NRXN1: variants seen among roughly 807,000 people sequenced by gnomAD.
The protein encoded by NRXN1 is neurexin-1.
A neutral mutation model predicts 150.9 loss-of-function variants in NRXN1; 39 were observed. That is an observed-to-expected ratio of 0.26 (90% CI 0.20 to 0.34). The LOEUF (loss-of-function observed/expected upper bound fraction) is 0.34, where lower values mean the gene tolerates loss of function less well. NRXN1 is among the 10% of genes least tolerant of loss of function. The pLI, the probability that NRXN1 is intolerant of heterozygous loss-of-function variation, is 1.00. For synonymous variants in NRXN1, 924 were observed against 757.0 expected, an observed-to-expected ratio of 1.22 and a Z score of -3.62; for missense variants, 1,815 against 1,949.9, an observed-to-expected ratio of 0.93 and a Z score of 1.30.
intron 17 of NRXN1, among the ~76,000 whole-genome samples, chr2:50,370,667 T>C (rs767220643): frequency 1.3e-5 from 2 of 151,968 alleles, no homozygotes; most frequent in Non-Finnish European, 2.9e-5. Context: ...TAATTGTTTA[T>C]GTTAAGGAGT....
At chr2:50,696,013 T>C (rs150121250) in intron 5 of NRXN1, among the ~76,000 whole-genome samples, 7 of 152,126 alleles carry the variant, frequency 4.6e-5, no homozygotes, top group Non-Finnish European at 7.4e-5. Flanking sequence ...TGGCTAATTT[T>C]TGTATTTTTA....
intron 17 of NRXN1, among the ~76,000 whole-genome samples, chr2:50,274,059 A>G (rs1558427177): frequency 2.0e-5 from 3 of 152,290 alleles, no homozygotes; most frequent in Non-Finnish European, 4.4e-5. Flanking sequence ...TCATTCTACT[A>G]TGAGGACACA....
intron 5 of NRXN1, among the ~76,000 whole-genome samples, chr2:50,742,574 C>T (rs1699556233): frequency 6.8e-6 from 1 of 147,056 alleles, no homozygotes; most frequent in Non-Finnish European, 1.5e-5. Flanking sequence ...CGCCACTACA[C>T]TTCAGCCTGG....
At position 50,219,988 on chromosome 2, in the gene NRXN1, T is replaced by TA. The variant is rs1253219117; in HGVS notation, c.3546+16800dup. On this transcript the variant is annotated intron_variant, in intron 18 of 22. Transcript: ENST00000401669. ...TTATATATATATAATATATATATTATATATAATATATATTATATAATATAT... is the reference window on the plus strand; with the variant it reads ...TTATATATATATAATATATATATTATAATATAATATATATTATATAATATAT... Among the ~76,000 whole-genome samples, 507 of 100,840 alleles carry TA rather than the reference T, an allele frequency of 5.0e-3. 7 individuals are homozygous for TA. Among genetic ancestry groups the TA allele is most frequent in the African/African-American group, 0.022 (491 of 22,550 alleles). The allele number at this position is 100,840 out of a possible 152,430, so 66.2% of individuals were successfully genotyped here.
chr2:49,979,898 T>G (rs1034740573), intron 21 of NRXN1, among the ~76,000 whole-genome samples: 4 of 109,872 alleles, frequency 3.6e-5, no homozygotes, highest in Non-Finnish European at 6.2e-5. Flanking sequence ...TCTTATATTG[T>G]TTTTTTGGTT....
chr2:50,202,752 A>T (rs959787830), intron 18 of NRXN1, among the ~76,000 whole-genome samples: 10 of 152,180 alleles, frequency 6.6e-5, no homozygotes, highest in Non-Finnish European at 1.2e-4. Flanking sequence ...TAGCTTCAAC[A>T]TTTATAGTAA....
intron 18 of NRXN1, among the ~76,000 whole-genome samples, chr2:50,211,412 T>C (rs897511671): frequency 4.0e-5 from 6 of 151,624 alleles, no homozygotes; most frequent in Admixed American, 3.3e-4. Context: ...CTTCTTAAGA[T>C]GAAAATATTC....
rs199548487 is a variant in NRXN1 at position 50,531,257 on chromosome 2, C to A, written c.2317G>T (p.Ala773Ser). Residue 773 changes from alanine to serine, a missense_variant, in exon 11 of 23, where the codon GCA becomes TCA. Physicochemically the swap from Ala to Ser is moderately conservative, Grantham distance 99. Around this residue, in one of 6 missense-constraint regions of NRXN1, gnomAD observed 638 missense variants for 652.6 expected, o/e 0.98. Coordinates refer to ENST00000401669, the MANE Select transcript of NRXN1 (RefSeq NM_001330078.2). Reference protein sequence around the residue: ...SADTLRLELDAGRVKLTVNLD... With the variant: ...SADTLRLELDSGRVKLTVNLD... ...TTGACCGTCAGTTTCACACGTCCTGCGTCTAGCTCCAGGCGGAGGGTGTCA... is the reference window on the plus strand; with the variant it reads ...TTGACCGTCAGTTTCACACGTCCTGAGTCTAGCTCCAGGCGGAGGGTGTCA... 2 of 1,613,388 alleles carry A rather than the reference C, an allele frequency of 1.2e-6. No homozygotes were observed. The highest frequency in any genetic ancestry group is 1.7e-5 in the Admixed American group (1 of 59,956).
At chr2:50,088,099 C>A (rs1230755505) in intron 19 of NRXN1, among the ~76,000 whole-genome samples, 3 of 151,958 alleles carry the variant, frequency 2.0e-5, no homozygotes, top group African/African-American at 7.2e-5. Context: ...AAAATAACCC[C>A]AAAAATTAAT....
intron 18 of NRXN1, among the ~76,000 whole-genome samples, chr2:50,131,929 T>C (rs1175415779): frequency 1.3e-5 from 2 of 152,026 alleles, no homozygotes; most frequent in Non-Finnish European, 2.9e-5. Flanking sequence ...TGAACAAGTA[T>C]GGGGGAAAAA....
intron 17 of NRXN1, among the ~76,000 whole-genome samples, chr2:50,439,137 A>G: frequency 6.6e-6 from 1 of 152,220 alleles, no homozygotes; most frequent in East Asian, 1.9e-4. Context: ...GAGATCAGAC[A>G]TGGTGACTAC....
chr2:50,064,444 T>TC (rs1695045611), intron 19 of NRXN1, among the ~76,000 whole-genome samples: 1 of 151,556 alleles, frequency 6.6e-6, no homozygotes, highest in Non-Finnish European at 1.5e-5. Context: ...TTTTTTTTTT[T>TC]CTAATTGTGT....
At chr2:50,031,959 C>A (rs1689244413) in intron 21 of NRXN1, among the ~76,000 whole-genome samples, 2 of 152,002 alleles carry the variant, frequency 1.3e-5, no homozygotes, top group Non-Finnish European at 2.9e-5. Flanking sequence ...AATTGGAAGA[C>A]ATGATTGCTC....
At chr2:50,273,800 G>A (rs150383062) in intron 17 of NRXN1, among the ~76,000 whole-genome samples, 3,513 of 152,174 alleles carry the variant, frequency 0.023, 74 homozygotes, top group Non-Finnish European at 0.034. Context: ...GCTTATTAGA[G>A]AAATGCAAAT....
intron 5 of NRXN1, among the ~76,000 whole-genome samples, chr2:50,774,768 T>C (rs757032892): frequency 2.0e-5 from 3 of 152,128 alleles, no homozygotes; most frequent in African/African-American, 4.8e-5. Flanking sequence ...ACAATCTGGT[T>C]GTATCACTTG....
intron 22 of NRXN1, 28 bp downstream of exon 22, chr2:49,943,676 A>C (rs1468283279): frequency 6.7e-7 from 1 of 1,500,024 alleles, no homozygotes; most frequent in Non-Finnish European, 9.3e-7. Flanking sequence ...CAGTAAAGCC[A>C]AGGAAGTAAG....
intron 21 of NRXN1, among the ~76,000 whole-genome samples, chr2:50,031,951 T>C (rs1040004727): frequency 1.1e-4 from 16 of 151,996 alleles, no homozygotes; most frequent in African/African-American, 3.9e-4. Flanking sequence ...TTCTGAGAAA[T>C]TGGAAGACAT....
intron 5 of NRXN1, chr2:50,912,738 C>T (rs2104123789): frequency 6.8e-6 from 1 of 147,932 alleles, no homozygotes; most frequent in Admixed American, 6.8e-5. Flanking sequence ...TGGGCTTTCT[C>T]TCTATTCAGG....
intron 22 of NRXN1, among the ~76,000 whole-genome samples, chr2:49,923,054 C>T (rs1668502001): frequency 6.6e-6 from 1 of 152,100 alleles, no homozygotes. Context: ...TGACAAAACC[C>T]TTCTTCAGTC....
Sources: allele counts gnomAD v4.1 joint callset (sites outside exome capture counted in the v4.1 genomes callset), GRCh38; gene constraint gnomAD v4.1.1; regional missense constraint gnomAD v4.1.1; transcripts MANE v1.5; gene names NCBI Gene and HGNC (gene_info 2026-07-23, HGNC 2026-07-21).